The following CMSS1 variants were observed in gnomAD, a reference collection of about 807,000 sequenced individuals.
CMSS1 encodes cms1 ribosomal small subunit homolog, also known as protein CMSS1.
Under a neutral mutation model 43.5 loss-of-function variants are expected in CMSS1, and 33 were observed. The observed-to-expected ratio is 0.76, with a 90% CI of 0.57 to 1.01. The LOEUF (loss-of-function observed/expected upper bound fraction) is 1.01, where lower values mean the gene tolerates loss of function less well. Among genes scored for constraint, CMSS1 ranks in the 50% least tolerant of loss-of-function variants. CMSS1 has a pLI of 0.00. For synonymous variants in CMSS1, 115 were observed against 117.2 expected, an observed-to-expected ratio of 0.98 and a Z score of 0.12; for missense variants, 313 against 326.4, an observed-to-expected ratio of 0.96 and a Z score of 0.32.
At chr3:99,856,601 C>T (rs1490601285) in intron 1 of CMSS1, among the ~76,000 whole-genome samples, 2 of 152,208 alleles carry the variant, frequency 1.3e-5, no homozygotes, top group Admixed American at 6.5e-5. Context: ...TCTACTATGG[C>T]TCAGAATTGT....
chr3:99,854,178 G>C (rs1178164251), intron 1 of CMSS1, among the ~76,000 whole-genome samples: 5 of 152,130 alleles, frequency 3.3e-5, no homozygotes, highest in Admixed American at 1.3e-4. Context: ...AGGGTGAGGA[G>C]GGTGTGGAGT....
chr3:99,879,112 G>A (rs1177556168), intron 1 of CMSS1, among the ~76,000 whole-genome samples: 3 of 152,082 alleles, frequency 2.0e-5, no homozygotes, highest in African/African-American at 7.2e-5. Context: ...TAGACACCAA[G>A]GTCCTTTCTA....
intron 1 of CMSS1, among the ~76,000 whole-genome samples, chr3:100,141,110 G>T (rs1325130941): frequency 1.3e-5 from 2 of 151,946 alleles, no homozygotes; most frequent in Non-Finnish European, 2.9e-5. Flanking sequence ...TCCAAACCTG[G>T]TTCCTCCTCC....
chr3:99,833,495 CTT>C (rs369693801), intron 1 of CMSS1, among the ~76,000 whole-genome samples: 50 of 152,338 alleles, frequency 3.3e-4, no homozygotes, highest in African/African-American at 1.2e-3. Context: ...CTACATGACT[CTT>C]TTGTTCTTCC....
chr3:100,092,447 C>T (rs2066127079), intron 1 of CMSS1, among the ~76,000 whole-genome samples: 1 of 151,348 alleles, frequency 6.6e-6, no homozygotes, highest in Non-Finnish European at 1.5e-5. Context: ...ATGGAAAAGC[C>T]AATATGAATG....
chr3:99,940,337 C>T (rs1707815977), intron 1 of CMSS1, among the ~76,000 whole-genome samples: 1 of 152,224 alleles, frequency 6.6e-6, no homozygotes, highest in Non-Finnish European at 1.5e-5. Context: ...ATTCTTTTAA[C>T]AGTTTTCAAA....
chr3:99,878,064 T>C (rs1346334081), intron 1 of CMSS1, among the ~76,000 whole-genome samples: 1 of 152,228 alleles, frequency 6.6e-6, no homozygotes, highest in Non-Finnish European at 1.5e-5. Flanking sequence ...TTCTGAAGAA[T>C]AGAGGAAAGA....
At chr3:99,939,839 G>A (rs551172119) in intron 1 of CMSS1, among the ~76,000 whole-genome samples, 1 of 152,182 alleles carries the variant, frequency 6.6e-6, no homozygotes, top group Non-Finnish European at 1.5e-5. Context: ...AATAATTTTA[G>A]TTTACAAACA....
intron 1 of CMSS1, among the ~76,000 whole-genome samples, chr3:99,944,804 A>C (rs537359618): frequency 6.6e-6 from 1 of 152,310 alleles, no homozygotes; most frequent in South Asian, 2.1e-4. Flanking sequence ...ATATCAATAA[A>C]ATTAAAGTAG....
At chr3:100,013,897 T>C (rs948475220) in intron 1 of CMSS1, among the ~76,000 whole-genome samples, 2 of 152,118 alleles carry the variant, frequency 1.3e-5, no homozygotes, top group African/African-American at 4.8e-5. Context: ...TGCTTCACAA[T>C]AGATCAACAG....
chr3:99,929,071 G>C (rs1707388158), intron 1 of CMSS1, among the ~76,000 whole-genome samples: 1 of 152,174 alleles, frequency 6.6e-6, no homozygotes, highest in African/African-American at 2.4e-5. Context: ...TCACTCTCCA[G>C]CCTCAACTCA....
chr3:100,075,960 A>G (rs1208414169), intron 1 of CMSS1, among the ~76,000 whole-genome samples: 1 of 152,162 alleles, frequency 6.6e-6, no homozygotes, highest in African/African-American at 2.4e-5. Flanking sequence ...TCTCCAGGCA[A>G]TAGGCCCTCA....
intron 1 of CMSS1, among the ~76,000 whole-genome samples, chr3:99,950,977 C>G (rs1009112821): frequency 1.3e-5 from 2 of 152,228 alleles, no homozygotes; most frequent in African/African-American, 4.8e-5. Flanking sequence ...TAACTCAAAA[C>G]TTGTTAAGAG....
chr3:100,026,288 G>C (rs1211138954), intron 1 of CMSS1, among the ~76,000 whole-genome samples: 1 of 152,122 alleles, frequency 6.6e-6, no homozygotes, highest in Non-Finnish European at 1.5e-5. Flanking sequence ...GCTGCCATGA[G>C]TATATGGTAG....
chr3:100,097,155 A>T (rs1339627076), intron 1 of CMSS1, among the ~76,000 whole-genome samples: 4 of 152,190 alleles, frequency 2.6e-5, no homozygotes, highest in African/African-American at 9.7e-5. Context: ...ACAGAACTGC[A>T]CATGCGAGAG....
chr3:99,863,960 T>C (rs1004281845), intron 1 of CMSS1, among the ~76,000 whole-genome samples: 1 of 152,230 alleles, frequency 6.6e-6, no homozygotes, highest in Non-Finnish European at 1.5e-5. Context: ...GGATCAGTGT[T>C]CTTAAGCAGG....
chr3:100,168,704 C>T (rs1019109194), intron 6 of CMSS1, among the ~76,000 whole-genome samples: 3 of 151,160 alleles, frequency 2.0e-5, no homozygotes, highest in Middle Eastern at 3.4e-3. Context: ...CTTCAGATTT[C>T]ACACATTCCT....
intron 1 of CMSS1, among the ~76,000 whole-genome samples, chr3:99,968,415 C>CTTTT (rs1708717358): frequency 6.7e-6 from 1 of 148,336 alleles, no homozygotes; most frequent in Non-Finnish European, 1.5e-5. Context: ...TCCTGAAAAA[C>CTTTT]TATGTTTTTG....
intron 1 of CMSS1, among the ~76,000 whole-genome samples, chr3:99,847,108 ATTAC>A (rs1441416691): frequency 6.6e-6 from 1 of 152,082 alleles, no homozygotes; most frequent in African/African-American, 2.4e-5. Flanking sequence ...TTCACACTAT[ATTAC>A]TTCTTTCAAC....
Sources: gnomAD v4.1 joint callset for allele counts (sites outside exome capture counted in the v4.1 genomes callset) on GRCh38, gnomAD v4.1.1 for gene constraint, MANE v1.5 for transcripts, NCBI Gene and HGNC (gene_info 2026-07-23, HGNC 2026-07-21) for gene names.